The following PTPRN2 variants were observed in gnomAD, a reference collection of about 807,000 sequenced individuals.
PTPRN2 encodes protein tyrosine phosphatase receptor type N2, also known as receptor-type tyrosine-protein phosphatase N2.
A neutral mutation model predicts 118.8 loss-of-function variants in PTPRN2; 74 were observed. That is an observed-to-expected ratio of 0.62 (90% CI 0.52 to 0.76). The LOEUF (loss-of-function observed/expected upper bound fraction) is 0.76. Among genes scored for constraint, PTPRN2 ranks in the 30% least tolerant of loss-of-function variants. The pLI is 0.00. For missense variants in PTPRN2, 1,481 were observed against 1,394.4 expected, an observed-to-expected ratio of 1.06 and a Z score of -0.99; for synonymous variants, 641 against 608.0, an observed-to-expected ratio of 1.05 and a Z score of -0.80.
chr7:158,056,895 C>A (rs1809832747), intron 11 of PTPRN2, among the ~76,000 whole-genome samples: 1 of 152,218 alleles, frequency 6.6e-6, no homozygotes. Context: ...TGCAGCTGTG[C>A]CACCCACATC....
intron 11 of PTPRN2, among the ~76,000 whole-genome samples, chr7:158,049,276 G>T (rs1008327867): frequency 6.6e-6 from 1 of 151,862 alleles, no homozygotes; most frequent in African/African-American, 2.4e-5. Flanking sequence ...TGTCCTTTCA[G>T]TTGGGCATCT....
chr7:158,154,990 C>T (rs771065206), intron 6 of PTPRN2, among the ~76,000 whole-genome samples: 7 of 152,200 alleles, frequency 4.6e-5, no homozygotes, highest in Non-Finnish European at 8.8e-5. Flanking sequence ...AGGGCGGCAG[C>T]ACAGAGCACA....
chr7:158,271,512 G>C (rs564804052), intron 3 of PTPRN2, among the ~76,000 whole-genome samples: 3 of 152,126 alleles, frequency 2.0e-5, no homozygotes, highest in African/African-American at 4.8e-5. Context: ...CCACATGCAC[G>C]GGACGGGGGC....
intron 11 of PTPRN2, among the ~76,000 whole-genome samples, chr7:158,076,353 C>T (rs1481387024): frequency 6.6e-6 from 1 of 152,200 alleles, no homozygotes; most frequent in African/African-American, 2.4e-5. Context: ...TTAGGCCCCA[C>T]TGCTGGTGAC....
At chr7:157,745,932 T>C (rs1425662301) in intron 12 of PTPRN2, among the ~76,000 whole-genome samples, 1 of 151,430 alleles carries the variant, frequency 6.6e-6, no homozygotes, top group Non-Finnish European at 1.5e-5. Context: ...CCATAGTCCA[T>C]ACAGGGCCTT....
chr7:158,136,815 G>T, intron 7 of PTPRN2, 120 bp from the exon 8 acceptor site: 1 of 906,544 alleles, frequency 1.1e-6, no homozygotes, highest in Non-Finnish European at 1.8e-6. Context: ...TGATGACGCT[G>T]GCCTAAGTCC....
At chr7:157,882,855 C>T (rs566612337) in intron 12 of PTPRN2, among the ~76,000 whole-genome samples, 1 of 145,298 alleles carries the variant, frequency 6.9e-6, no homozygotes, top group South Asian at 2.2e-4. Context: ...ATGCCACCCC[C>T]AAAATGGCTG....
chr7:157,695,033 T>C (rs1797697200), intron 12 of PTPRN2, among the ~76,000 whole-genome samples: 1 of 152,132 alleles, frequency 6.6e-6, no homozygotes, highest in Admixed American at 6.5e-5. Context: ...AGTTTAAAAA[T>C]GATTTGTTGA....
In PTPRN2 at chr7:158,393,371, T is replaced by C. The variant is rs545545322; in HGVS notation, c.164-76439A>G. 7.9e-5 allele frequency among the ~76,000 whole-genome samples: 12 copies of C among 152,286 alleles called. 1 individual carries two copies. In the South Asian group the frequency reaches 2.1e-3, roughly 26 times the overall value. ...TTCAGCCTGGTTTCCTTAAACATCATCACCAGGGGGCACGTCGGAGGGACT... is the reference window on the plus strand; with the variant it reads ...TTCAGCCTGGTTTCCTTAAACATCACCACCAGGGGGCACGTCGGAGGGACT... On this transcript the variant is annotated intron_variant, in intron 2 of 22. Coordinates refer to ENST00000389418, the MANE Select transcript of PTPRN2 (RefSeq NM_002847.5).
chr7:158,065,527 C>T (rs73171562), intron 11 of PTPRN2, among the ~76,000 whole-genome samples: 9,381 of 152,300 alleles, frequency 0.062, 349 homozygotes, highest in Non-Finnish European at 0.088. Flanking sequence ...CCTGGGCTAA[C>T]GGGCTGCGGC....
chr7:158,486,217 C>A (rs1286705261), intron 2 of PTPRN2, among the ~76,000 whole-genome samples: 2 of 152,228 alleles, frequency 1.3e-5, no homozygotes, highest in African/African-American at 4.8e-5. Context: ...GCTGGCCAGT[C>A]AGCGTCCATC....
intron 2 of PTPRN2, among the ~76,000 whole-genome samples, chr7:158,387,984 T>A (rs1175952294): frequency 6.6e-6 from 1 of 152,148 alleles, no homozygotes; most frequent in Non-Finnish European, 1.5e-5. Flanking sequence ...ATATATCTAT[T>A]TATACACACA....
Position 158,365,350 on chromosome 7 carries a change from C to A in PTPRN2, c.164-48418G>T, listed in dbSNP as rs112261078. On this transcript the variant is annotated intron_variant, in intron 2 of 22. Transcript: ENST00000389418. The stretch of plus-strand genomic sequence containing the variant: ...CAATTTTTGTGCTCCTCACAACCAA[C>A]GAGGGTGTGATTTTTCCCATCTGTC... Among the ~76,000 whole-genome samples, 530 of 152,266 alleles carry A rather than the reference C, an allele frequency of 3.5e-3. 6 individuals are homozygous for A. Among genetic ancestry groups the A allele is most frequent in the African/African-American group, 0.012 (497 of 41,552 alleles).
intron 6 of PTPRN2, among the ~76,000 whole-genome samples, chr7:158,161,127 T>C (rs1211184558): frequency 6.6e-6 from 1 of 152,196 alleles, no homozygotes; most frequent in East Asian, 1.9e-4. Flanking sequence ...AGACTCAATA[T>C]TGTCAGCATG....
intron 12 of PTPRN2, among the ~76,000 whole-genome samples, chr7:157,721,963 C>T (rs1012645169): frequency 3.9e-5 from 6 of 152,342 alleles, no homozygotes; most frequent in South Asian, 4.1e-4. Flanking sequence ...AGACTTTTCC[C>T]GAAGACCACG....
At position 158,457,770 on chromosome 7, in the gene PTPRN2, G is replaced by A. The variant is rs936752658; in HGVS notation, c.163+31965C>T. The stretch of plus-strand genomic sequence containing the variant: ...CTACCTCGGCCTGCGGGAACACAGC[G>A]GATGCGCGGCCCCAGTCAGCGCACG... On this transcript the variant is annotated intron_variant, in intron 2 of 22. Transcript: ENST00000389418. Among the ~76,000 whole-genome samples the A allele has an allele frequency of 6.8e-5, 10 of 146,262 alleles. No homozygotes were observed. In the East Asian group the frequency reaches 1.9e-3, roughly 27 times the overall value.
intron 1 of PTPRN2, among the ~76,000 whole-genome samples, chr7:158,576,880 T>C (rs1251092305): frequency 5.9e-5 from 8 of 135,432 alleles, no homozygotes; most frequent in African/African-American, 1.2e-4. Context: ...ACAGACAGCA[T>C]GGGGCCTGCA....
intron 2 of PTPRN2, among the ~76,000 whole-genome samples, chr7:158,334,683 C>A (rs377182547): frequency 4.5e-4 from 23 of 50,608 alleles, no homozygotes; most frequent in South Asian, 2.2e-3. Context: ...TCACTCACAC[C>A]CACACTCTCA....
At chr7:157,666,400 A>G (rs1194143475) in intron 13 of PTPRN2, among the ~76,000 whole-genome samples, 1 of 152,184 alleles carries the variant, frequency 6.6e-6, no homozygotes, top group Non-Finnish European at 1.5e-5. Flanking sequence ...GCAATAATGG[A>G]AAAAGGGCAC....
Sources: gnomAD v4.1 joint callset for allele counts (sites outside exome capture counted in the v4.1 genomes callset) on GRCh38, gnomAD v4.1.1 for gene constraint, MANE v1.5 for transcripts, NCBI Gene and HGNC (gene_info 2026-07-23, HGNC 2026-07-21) for gene names.